CNGA1: variants seen among roughly 807,000 people sequenced by gnomAD.
CNGA1 encodes cyclic nucleotide gated channel subunit alpha 1, also known as cyclic nucleotide-gated channel alpha-1.
Under a neutral mutation model 69.7 loss-of-function variants are expected in CNGA1, and 53 were observed. The observed-to-expected ratio is 0.76, with a 90% CI of 0.61 to 0.96. The LOEUF is 0.96. CNGA1 is among the 40% of genes least tolerant of loss of function. CNGA1 has a pLI of 0.00. For missense variants in CNGA1, 739 were observed against 811.2 expected (o/e 0.91, Z 1.08); for synonymous variants, 249 against 283.5 (o/e 0.88, Z 1.22).
Position 47,943,426 on chromosome 4 carries a change from T to A in CNGA1, c.288-14A>T, listed in dbSNP as rs1488679606. 2.9e-6 allele frequency: 4 copies of A among 1,389,466 alleles called. No individual in the cohort carries two copies. The Admixed American group carries it at 7.6e-5, about 26-fold the overall frequency. 86.1% of individuals were successfully genotyped at this position (1,389,466 alleles called of 1,614,324 possible). ...TCTTCTGGTTCCCTAAAGAAAAAAA[T>A]AATATATCTGTCACATAATCACAGT... On this transcript the variant is annotated splice_polypyrimidine_tract_variant and intron_variant, in intron 6 of 10. Transcript: ENST00000514170.
At position 47,937,066 on chromosome 4, in the gene CNGA1, C is replaced by A. The variant is rs369602927; in HGVS notation, c.1416G>T (p.Lys472Asn). The change falls in exon 11 of 11, where the codon AAG becomes AAT. Residue 472 changes from lysine (K) to asparagine (N), a missense_variant. Physicochemically the swap from Lys to Asn is moderately conservative, Grantham distance 94. Transcript: ENST00000514170. ...AINVHLDTLK[K>N]VRIFADCEAG... ...CTTCACAATCAGCAAAAATGCGTAC[C>A]TTTTTTAATGTGTCTAAGTGAACGT... 3.7e-6 allele frequency: 6 copies of A among 1,614,012 alleles called. No homozygotes were observed. In the African/African-American group the frequency reaches 6.7e-5, roughly 18 times the overall value.
chr4:47,985,152 T>G (rs1211865397), intron 2 of CNGA1, among the ~76,000 whole-genome samples: 1 of 152,206 alleles, frequency 6.6e-6, no homozygotes, highest in African/African-American at 2.4e-5. Context: ...AAATGAGACA[T>G]AGTAATATGA....
chr4:48,011,428 C>G (rs1715160089), intron 1 of CNGA1, among the ~76,000 whole-genome samples: 2 of 151,664 alleles, frequency 1.3e-5, no homozygotes. Context: ...CACACACACA[C>G]ACATCTTGGA....
chr4:47,943,604 A>G (rs1739225558), intron 6 of CNGA1, among the ~76,000 whole-genome samples, 192 bp from the exon 7 acceptor site: 1 of 152,200 alleles, frequency 6.6e-6, no homozygotes, highest in African/African-American at 2.4e-5. Flanking sequence ...CAGATAATAA[A>G]CAAGAACTTC....
intron 3 of CNGA1, among the ~76,000 whole-genome samples, chr4:47,973,227 C>T (rs1043579613): frequency 6.6e-6 from 1 of 151,980 alleles, no homozygotes; most frequent in Non-Finnish European, 1.5e-5. Context: ...ACCATCATGG[C>T]CAGCTAATTT....
At chr4:48,001,359 C>A (rs321641) in intron 2 of CNGA1, among the ~76,000 whole-genome samples, 1 of 152,032 alleles carries the variant, frequency 6.6e-6, no homozygotes, top group Non-Finnish European at 1.5e-5. Context: ...ATCCCAGCTA[C>A]TTGGGAGGCT....
At chr4:47,940,924 T>A in intron 9 of CNGA1, 55 bp from the exon 10 acceptor site, 1 of 1,159,404 alleles carries the variant, frequency 8.6e-7, no homozygotes, top group Non-Finnish European at 1.3e-6. Context: ...CCAATTTAAG[T>A]AAAAGTTCTC....
intron 3 of CNGA1, among the ~76,000 whole-genome samples, chr4:47,974,025 A>C (rs1297393083): frequency 6.6e-6 from 1 of 151,898 alleles, no homozygotes; most frequent in Non-Finnish European, 1.5e-5. Context: ...AAACCCCATC[A>C]ATACAAAAAA....
intron 2 of CNGA1, among the ~76,000 whole-genome samples, chr4:47,998,990 A>T (rs1408091762): frequency 1.3e-5 from 2 of 152,196 alleles, no homozygotes; most frequent in African/African-American, 4.8e-5. Flanking sequence ...ATATTATCAG[A>T]AGGTCAATAG....
intron 3 of CNGA1, among the ~76,000 whole-genome samples, chr4:47,953,262 T>TA (rs1277445289): frequency 2.0e-5 from 3 of 152,332 alleles, no homozygotes; most frequent in Non-Finnish European, 2.9e-5. Flanking sequence ...CAGTTTTTTG[T>TA]AAAAAAATTT....
intron 3 of CNGA1, among the ~76,000 whole-genome samples, chr4:47,968,361 A>C (rs1263885764): frequency 6.6e-6 from 1 of 152,144 alleles, no homozygotes; most frequent in Non-Finnish European, 1.5e-5. Context: ...TAATGAAAAG[A>C]GGTCCATGAA....
chr4:47,942,323 T>C (rs1739131440), intron 8 of CNGA1, among the ~76,000 whole-genome samples, 175 bp from the exon 9 acceptor site: 1 of 148,590 alleles, frequency 6.7e-6, no homozygotes, highest in Non-Finnish European at 1.5e-5. Flanking sequence ...CATAAGAAAG[T>C]GGTTAGTGAG....
At position 47,937,306 on chromosome 4, in the gene CNGA1, T is replaced by C; in HGVS notation, c.1176A>G (p.Ile392Met). The stretch of plus-strand genomic sequence containing the variant: ...CATTCATGTTGGAAATCATAGAACC[T>C]ATGTTACCAACGATGGTAGCAAAAA... ...VLIFATIVGNIGSMISNMNAA... is the reference protein window; with the variant it reads ...VLIFATIVGNMGSMISNMNAA... Residue 392 changes from isoleucine (I) to methionine (M), a missense_variant, in exon 11 of 11, where the codon ATA becomes ATG. Coordinates refer to ENST00000514170, the MANE Select transcript of CNGA1 (RefSeq NM_001379270.1). 6.2e-7 allele frequency: 1 copy of C among 1,614,038 alleles called. No individual in the cohort carries two copies. Among genetic ancestry groups the C allele is most frequent in the South Asian group, 1.1e-5 (1 of 91,084 alleles).
At chr4:48,000,532 C>T (rs321639) in intron 2 of CNGA1, among the ~76,000 whole-genome samples, 21,363 of 152,066 alleles carry the variant, frequency 0.14, 1,835 homozygotes, top group Middle Eastern at 0.22. Context: ...ACCACCCCAG[C>T]TAATTTTGTA....
chr4:47,951,904 A>G (rs150520334), intron 4 of CNGA1, among the ~76,000 whole-genome samples: 9 of 152,328 alleles, frequency 5.9e-5, no homozygotes, highest in Non-Finnish European at 1.3e-4. Context: ...TATACTTTTA[A>G]ATCACATTGC....
intron 3 of CNGA1, among the ~76,000 whole-genome samples, 181 bp downstream of exon 3, chr4:47,981,212 G>A (rs973240387): frequency 1.3e-5 from 2 of 152,156 alleles, no homozygotes; most frequent in Non-Finnish European, 2.9e-5. Flanking sequence ...ATATTGCCAG[G>A]TAGAGTATTC....
chr4:47,949,912 A>C lies in CNGA1; in HGVS notation c.225-17T>G, dbSNP rs1313330775. The C allele has an allele frequency of 6.2e-7, 1 of 1,612,990 alleles. No homozygotes were observed. Among genetic ancestry groups the C allele is most frequent in the African/African-American group, 1.3e-5 (1 of 74,928 alleles). On this transcript the variant is annotated splice_polypyrimidine_tract_variant and intron_variant, in intron 5 of 10. Transcript: ENST00000514170. ...TACTGCTCCCTGGGAAATGAAAAAC[A>C]TGCAGTGAAATCACAGTAGTCACCA...
At chr4:48,014,802 C>G (rs560941885) in intron 1 of CNGA1, among the ~76,000 whole-genome samples, 1 of 152,280 alleles carries the variant, frequency 6.6e-6, no homozygotes, top group South Asian at 2.1e-4. Flanking sequence ...CACCATAGAT[C>G]ACGTTTACCA....
chr4:47,995,285 G>T (rs931381754), intron 2 of CNGA1, among the ~76,000 whole-genome samples: 2 of 152,010 alleles, frequency 1.3e-5, no homozygotes, highest in African/African-American at 2.4e-5. Context: ...CAAACTTTTA[G>T]AATTCTTAGA....
Sources: allele counts gnomAD v4.1 joint callset (sites outside exome capture counted in the v4.1 genomes callset), GRCh38; gene constraint gnomAD v4.1.1; transcripts MANE v1.5; gene names NCBI Gene and HGNC (gene_info 2026-07-23, HGNC 2026-07-21).